Variants in STX18 observed in about 807,000 individuals in gnomAD.
STX18 encodes the protein syntaxin 18.
In STX18, 40 loss-of-function variants were observed where a neutral mutation model predicts 50.1. That is an observed-to-expected ratio of 0.80 (90% CI 0.62 to 1.04). The LOEUF (loss-of-function observed/expected upper bound fraction) is 1.04, where lower values mean the gene tolerates loss of function less well. STX18 is among the 50% of genes least tolerant of loss of function. The probability of loss-of-function intolerance (pLI) is 0.00; values close to 1 mark genes in which losing one functional copy is unlikely to be tolerated. For synonymous variants in STX18, 158 were observed against 151.8 expected (o/e 1.04, Z -0.30); for missense variants, 410 against 415.8 (o/e 0.99, Z 0.12).
intron 2 of STX18, 82 bp downstream of exon 2, chr4:4,471,557 G>T: frequency 1.1e-6 from 1 of 930,330 alleles, no homozygotes; most frequent in Non-Finnish European, 1.6e-6. Flanking sequence ...TAAGAAAAAG[G>T]TGAGGGCAAA....
chr4:4,447,015 G>C (rs1305094462), intron 5 of STX18, among the ~76,000 whole-genome samples: 1 of 152,184 alleles, frequency 6.6e-6, no homozygotes, highest in Non-Finnish European at 1.5e-5. Context: ...CAAAGGAAAA[G>C]CCAGTTAAAA....
chr4:4,482,478 T>A (rs1430074116), intron 1 of STX18, among the ~76,000 whole-genome samples: 1 of 152,192 alleles, frequency 6.6e-6, no homozygotes, highest in Non-Finnish European at 1.5e-5. Context: ...AGATTCCAAG[T>A]TAGAACACCT....
Position 4,473,210 on chromosome 4 carries a change from G to A in STX18, c.169-1504C>T, listed in dbSNP as rs569327655. ...GCTCAGGACTGAGTCCAAATTCAGC[G>A]TGTTTCCCAGTGCACCACCATGCCT... On this transcript the variant is annotated intron_variant, in intron 1 of 10. Coordinates refer to ENST00000306200, the MANE Select transcript of STX18 (RefSeq NM_016930.4). 7.9e-5 allele frequency among the ~76,000 whole-genome samples: 12 copies of A among 151,992 alleles called. No homozygotes were observed. The South Asian group carries it at 1.5e-3, about 18-fold the overall frequency.
intron 5 of STX18, among the ~76,000 whole-genome samples, chr4:4,453,874 G>T (rs1413331515): frequency 6.6e-6 from 1 of 152,168 alleles, no homozygotes; most frequent in African/African-American, 2.4e-5. Flanking sequence ...TACATACTAG[G>T]TGACTTTCTA....
intron 2 of STX18, among the ~76,000 whole-genome samples, chr4:4,461,558 A>G (rs1347448172): frequency 6.6e-6 from 1 of 152,238 alleles, no homozygotes; most frequent in Non-Finnish European, 1.5e-5. Context: ...TTCTACACAT[A>G]TTCTTTCAAT....
intron 1 of STX18, among the ~76,000 whole-genome samples, chr4:4,477,226 A>G (rs970850701): frequency 1.3e-5 from 2 of 152,178 alleles, no homozygotes; most frequent in African/African-American, 4.8e-5. Context: ...CTGGTGACAG[A>G]GCGAGACTCG....
intron 6 of STX18, among the ~76,000 whole-genome samples, chr4:4,437,827 C>A (rs1725868382): frequency 6.6e-6 from 1 of 152,250 alleles, no homozygotes; most frequent in South Asian, 2.1e-4. Context: ...CATCCATGAC[C>A]ACACTGTGTA....
At chr4:4,480,092 C>G (rs773852252) in intron 1 of STX18, among the ~76,000 whole-genome samples, 20 of 152,312 alleles carry the variant, frequency 1.3e-4, no homozygotes, top group Non-Finnish European at 2.2e-4. Flanking sequence ...TGTATACATA[C>G]ATAGAGGGGA....
intron 1 of STX18, among the ~76,000 whole-genome samples, chr4:4,508,553 T>C (rs1011649698): frequency 3.9e-5 from 6 of 152,230 alleles, no homozygotes; most frequent in African/African-American, 1.4e-4. Flanking sequence ...TTTTTTTTCT[T>C]CAACTTTTAT....
chr4:4,530,402 TA>T (rs1479748215), intron 1 of STX18, among the ~76,000 whole-genome samples: 1 of 151,084 alleles, frequency 6.6e-6, no homozygotes, highest in African/African-American at 2.4e-5. Flanking sequence ...TAATAATATA[TA>T]ATTCTCATGT....
intron 5 of STX18, among the ~76,000 whole-genome samples, chr4:4,450,352 C>T (rs1277910148): frequency 6.6e-6 from 1 of 152,284 alleles, no homozygotes; most frequent in Non-Finnish European, 1.5e-5. Context: ...GACAGTGTCT[C>T]GCTCTGTTGC....
intron 1 of STX18, among the ~76,000 whole-genome samples, chr4:4,523,850 A>G (rs1730630103): frequency 1.3e-5 from 2 of 152,136 alleles, no homozygotes; most frequent in Middle Eastern, 3.4e-3. Context: ...GGCCTTCGAG[A>G]TAATGCCATT....
chr4:4,449,350 A>AC (rs1177883118), intron 5 of STX18, among the ~76,000 whole-genome samples: 11 of 149,934 alleles, frequency 7.3e-5, no homozygotes, highest in Non-Finnish European at 1.0e-4. Flanking sequence ...TGTGCACGGC[A>AC]CCCCCCCACC....
At chr4:4,493,255 T>A (rs535218724) in intron 1 of STX18, among the ~76,000 whole-genome samples, 5 of 152,260 alleles carry the variant, frequency 3.3e-5, no homozygotes, top group Admixed American at 3.3e-4. Context: ...GCAACCCCAA[T>A]TTTTGGAAAA....
At chr4:4,513,793 T>C (rs1385476527) in intron 1 of STX18, among the ~76,000 whole-genome samples, 2 of 152,238 alleles carry the variant, frequency 1.3e-5, no homozygotes, top group Non-Finnish European at 2.9e-5. Context: ...TCCTTGCTAC[T>C]GCAGTAATGA....
intron 5 of STX18, among the ~76,000 whole-genome samples, chr4:4,445,582 T>C (rs1726351754): frequency 6.6e-6 from 1 of 151,892 alleles, no homozygotes; most frequent in Non-Finnish European, 1.5e-5. Context: ...TGGTATCGTT[T>C]ACAATAGAAT....
chr4:4,485,466 C>T (rs1259367374), intron 1 of STX18, among the ~76,000 whole-genome samples: 1 of 152,186 alleles, frequency 6.6e-6, no homozygotes. Context: ...AGCCAGTGCC[C>T]CCAGCCCAGT....
intron 1 of STX18, among the ~76,000 whole-genome samples, chr4:4,534,186 T>C (rs1166867794): frequency 2.0e-5 from 3 of 152,184 alleles, no homozygotes; most frequent in African/African-American, 7.2e-5. Context: ...AGGACCCCAT[T>C]GAGTTCCTCA....
chr4:4,430,415 A>G (rs1214394220), intron 7 of STX18, among the ~76,000 whole-genome samples: 1 of 152,238 alleles, frequency 6.6e-6, no homozygotes, highest in East Asian at 1.9e-4. Flanking sequence ...ATTATTCCCA[A>G]TTAAGAAAGA....
Sources: gnomAD v4.1 joint callset for allele counts (sites outside exome capture counted in the v4.1 genomes callset) on GRCh38, gnomAD v4.1.1 for gene constraint, MANE v1.5 for transcripts, NCBI Gene and HGNC (gene_info 2026-07-23, HGNC 2026-07-21) for gene names.